Variants in CIITA observed in about 807,000 individuals in gnomAD.
CIITA encodes class II major histocompatibility complex transactivator, also known as MHC class II transactivator.
Under a neutral mutation model 115.1 loss-of-function variants are expected in CIITA, and 72 were observed. The ratio of observed to expected loss-of-function variants is 0.63; its 90% CI spans 0.52 to 0.76. The LOEUF is 0.76. Ranked by LOEUF, CIITA falls within the 30% of genes least tolerant of loss-of-function variation. CIITA has a pLI of 0.00. For synonymous variants in CIITA, 763 were observed against 635.6 expected, an observed-to-expected ratio of 1.20 and a Z score of -3.02; for missense variants, 1,617 against 1,463.8, an observed-to-expected ratio of 1.10 and a Z score of -1.71.
At position 10,912,069 on chromosome 16, in the gene CIITA, A is replaced by G. The variant is rs117808252; in HGVS notation, c.2888+1810A>G. On this transcript the variant is annotated intron_variant, in intron 13 of 19. Transcript: ENST00000324288. ...AATGTTTGTTCCTTGGTAGGGGTCT[A>G]GATCATCTAATGATTAGGAAGGAGT... 1.1e-4 allele frequency among the ~76,000 whole-genome samples: 16 copies of G among 152,340 alleles called. No individual in the cohort carries two copies. In the East Asian group the frequency reaches 2.5e-3, roughly 24 times the overall value.
chr16:10,910,164 C>T (rs750663973), intron 12 of CIITA, 24 bp from the exon 13 acceptor site: 17 of 1,609,832 alleles, frequency 1.1e-5, no homozygotes, highest in African/African-American at 1.3e-5. Flanking sequence ...GCCTGCTCCC[C>T]CTAACATTGC....
chr16:10,873,363 A>C (rs906283190), upstream of CIITA, among the ~76,000 whole-genome samples: 1 of 152,264 alleles, frequency 6.6e-6, no homozygotes, highest in African/African-American at 2.4e-5. Flanking sequence ...TGATCTAATC[A>C]GAGGTAGCAG....
chr16:10,899,505 C>T (rs968986253), intron 5 of CIITA, among the ~76,000 whole-genome samples: 9 of 152,216 alleles, frequency 5.9e-5, no homozygotes, highest in Admixed American at 3.3e-4. Flanking sequence ...TGCAGTTTAG[C>T]ACTCATTACC....
At chr16:10,915,718 C>T in intron 14 of CIITA, 68 bp downstream of exon 14, 3 of 1,399,720 alleles carry the variant, frequency 2.1e-6, no homozygotes, top group South Asian at 2.3e-5. Flanking sequence ...TAGCTCACTG[C>T]AGCCTCGAAT....
In CIITA at chr16:10,928,101, G is replaced by C. The variant is rs1452028978; in HGVS notation, c.*4246G>C. 6.6e-6 allele frequency: 1 copy of C among 152,168 alleles called. No individual in the cohort carries two copies. Among genetic ancestry groups the C allele is most frequent in the Admixed American group, 6.5e-5 (1 of 15,272 alleles). 9.4% of individuals were successfully genotyped at this position (152,168 alleles called of 1,614,324 possible). On this transcript the variant is annotated 3_prime_UTR_variant, in exon 20 of 20. Coordinates refer to ENST00000324288, the MANE Select transcript of CIITA (RefSeq NM_000246.4). The stretch of plus-strand genomic sequence containing the variant: ...TTTCTTTAGCATCACTTGAGGGCAA[G>C]TGGTGCTCCAACTGTCTCCCCCCAG...
At chr16:10,877,974 A>G (rs2036002109) in intron 1 of CIITA, among the ~76,000 whole-genome samples, 1 of 152,208 alleles carries the variant, frequency 6.6e-6, no homozygotes, top group Non-Finnish European at 1.5e-5. Flanking sequence ...CATGGCAGCT[A>G]CACCGTTGGC....
At chr16:10,874,124 C>T (rs2035670090), upstream of CIITA, among the ~76,000 whole-genome samples, 1 of 152,076 alleles carries the variant, frequency 6.6e-6, no homozygotes, top group Non-Finnish European at 1.5e-5. Flanking sequence ...ACTGGGATTA[C>T]AGGCGTGCAC....
chr16:10,868,081 A>G (rs1420317975), intron 1 of CIITA, among the ~76,000 whole-genome samples: 1 of 152,108 alleles, frequency 6.6e-6, no homozygotes, highest in Non-Finnish European at 1.5e-5. Context: ...CTTTCTAAAG[A>G]CGGTGTTTGT....
rs747101944 is a variant in CIITA, at chr16:10,904,768, G to A, written c.962G>A (p.Cys321Tyr). ...MTEHKTSPTQ[C>Y]PAAGEVSNKL... ...GAGCACAAGACGTCCCCCACCCAAT[G>A]CCCGGCAGCTGGAGAGGTCTCCAAC... The change falls in exon 10 of 20, where the codon TGC (cysteine) becomes TAC (tyrosine). Residue 321 changes from cysteine (C) to tyrosine (Y), a missense_variant. By Grantham distance (194) the Cys-to-Tyr change is radical. Transcript: ENST00000324288. 9 of 1,614,018 alleles carry A rather than the reference G, an allele frequency of 5.6e-6. No homozygotes were observed. Among genetic ancestry groups the A allele is most frequent in the Admixed American group, 1.7e-5 (1 of 60,004 alleles).
rs2041017829 is a variant in CIITA, at chr16:10,936,237, C to G, written c.*12382C>G. 6.6e-6 allele frequency: 1 copy of G among 152,048 alleles called. No homozygotes were observed. Among genetic ancestry groups the G allele is most frequent in the African/African-American group, 2.4e-5 (1 of 41,378 alleles). The allele number at this position is 152,048 out of a possible 1,614,324, so 9.4% of individuals were successfully genotyped here. A position where few individuals can be genotyped will look rare whatever the true frequency, so the allele number is the denominator to read the frequency against. On this transcript the variant is annotated 3_prime_UTR_variant, in exon 20 of 20. Coordinates refer to ENST00000324288, the MANE Select transcript of CIITA (RefSeq NM_000246.4). ...TTTCAAACTCAAGTGATCCTTCCAC[C>G]TCAGCCTCTATAAAATTTGAATAAA... is the stretch of plus-strand genomic sequence containing the variant.
rs983639046 is a variant in CIITA, at chr16:10,935,154, T to G, written c.*11299T>G. On this transcript the variant is annotated 3_prime_UTR_variant, in exon 20 of 20. Transcript: ENST00000324288. ...GGCTTAGGAGATGAAGTCTGAGGTG[T>G]TGGTGGAGCTGGGATTTAAACCAAA... 6.6e-6 allele frequency: 1 copy of G among 152,206 alleles called. No individual in the cohort carries two copies. Among genetic ancestry groups the G allele is most frequent in the African/African-American group, 2.4e-5 (1 of 41,448 alleles). 9.4% of individuals were successfully genotyped at this position (152,206 alleles called of 1,614,324 possible). A position where few individuals can be genotyped will look rare whatever the true frequency, so the allele number is the denominator to read the frequency against.
intron 4 of CIITA, 60 bp downstream of exon 4, chr16:10,898,792 G>A (rs1437592584): frequency 1.2e-6 from 2 of 1,603,430 alleles, no homozygotes; most frequent in African/African-American, 2.7e-5. Flanking sequence ...CTTGTTCCCT[G>A]GGGGGTGCCC....
At chr16:10,898,176 C>T (rs2038331841) in intron 3 of CIITA, among the ~76,000 whole-genome samples, 1 of 152,120 alleles carries the variant, frequency 6.6e-6, no homozygotes, top group East Asian at 1.9e-4. Flanking sequence ...GCCATGTACC[C>T]CTTTATATAG....
At chr16:10,912,785 G>A (rs1164552414) in intron 13 of CIITA, among the ~76,000 whole-genome samples, 1 of 152,242 alleles carries the variant, frequency 6.6e-6, no homozygotes, top group African/African-American at 2.4e-5. Context: ...CTGGGGAACA[G>A]CGGCCATGGG....
At chr16:10,919,496 C>T (rs1422977624) in intron 16 of CIITA, among the ~76,000 whole-genome samples, 2 of 127,968 alleles carry the variant, frequency 1.6e-5, no homozygotes, top group Admixed American at 7.6e-5. Context: ...CCACCATGCC[C>T]GGCCAACTTA....
chr16:10,880,182 G>A (rs763176748), intron 1 of CIITA, among the ~76,000 whole-genome samples: 1 of 152,196 alleles, frequency 6.6e-6, no homozygotes, highest in Non-Finnish European at 1.5e-5. Context: ...TTTGGAGGCA[G>A]GGTCTTTGGA....
rs775994032 is a variant in CIITA, at chr16:10,918,483, G to A, written c.3106G>A (p.Ala1036Thr). The change falls in exon 16 of 20, where the codon GCC (alanine) becomes ACC (threonine). Residue 1036 changes from alanine to threonine, a missense_variant. By Grantham distance (58) the Ala-to-Thr change is moderately conservative. Coordinates refer to ENST00000324288, the MANE Select transcript of CIITA (RefSeq NM_000246.4). ...CACTGACCTGGGTGCCTACAAACTC[G>A]CCGAGGCCCTGCCTTCGCTCGCTGC... ...NITDLGAYKL[A>T]EALPSLAASL... The A allele has an allele frequency of 4.3e-6, 7 of 1,614,004 alleles. No homozygotes were observed. The highest frequency in any genetic ancestry group is 3.3e-5 in the South Asian group (3 of 91,074).
In CIITA at chr16:10,932,571, T is replaced by G. The variant is rs2040842837; in HGVS notation, c.*8716T>G. 6.6e-6 allele frequency: 1 copy of G among 151,894 alleles called. No individual in the cohort carries two copies. Among genetic ancestry groups the G allele is most frequent in the Non-Finnish European group, 1.5e-5 (1 of 68,012 alleles). The allele number at this position is 151,894 out of a possible 1,614,324, so 9.4% of individuals were successfully genotyped here. ...GGGGTATCCAATCTTTTGGCTTCCC[T>G]GGGCCACAGTGGAAGAACTGTCTGG... On this transcript the variant is annotated 3_prime_UTR_variant, in exon 20 of 20. Transcript: ENST00000324288.
intron 12 of CIITA, 70 bp from the exon 13 acceptor site, chr16:10,910,118 C>A (rs983948131): frequency 4.3e-5 from 59 of 1,361,156 alleles, no homozygotes; most frequent in Non-Finnish European, 3.2e-5. Flanking sequence ...GGGCAGCCAT[C>A]ATGGGACCCA....
Sources: allele counts gnomAD v4.1 joint callset (sites outside exome capture counted in the v4.1 genomes callset), GRCh38; gene constraint gnomAD v4.1.1; transcripts MANE v1.5; gene names NCBI Gene and HGNC (gene_info 2026-07-23, HGNC 2026-07-21).